Variants in AGPAT4 observed in about 807,000 individuals in gnomAD.
AGPAT4 encodes the protein 1-acyl-sn-glycerol-3-phosphate acyltransferase delta.
In AGPAT4, 15 loss-of-function variants were observed where a neutral mutation model predicts 48.0. The observed-to-expected ratio is 0.31, with a 90% CI of 0.21 to 0.48. AGPAT4 has a LOEUF of 0.48. Ranked by LOEUF, AGPAT4 falls within the 20% of genes least tolerant of loss-of-function variation. The probability of loss-of-function intolerance (pLI) is 0.99; values close to 1 mark genes in which losing one functional copy is unlikely to be tolerated. For missense variants in AGPAT4, 314 were observed against 482.5 expected, an observed-to-expected ratio of 0.65 and a Z score of 3.27; for synonymous variants, 178 against 198.7, an observed-to-expected ratio of 0.90 and a Z score of 0.88.
chr6:161,180,917 T>C lies in AGPAT4; in HGVS notation c.179-14500A>G, dbSNP rs1475296020. 1.3e-5 allele frequency among the ~76,000 whole-genome samples: 2 copies of C among 151,986 alleles called. No individual in the cohort carries two copies. The highest frequency in any genetic ancestry group is 4.8e-5 in the African/African-American group (2 of 41,364). The stretch of plus-strand genomic sequence containing the variant: ...CCATTGTGCTGTTCAGCTTAAGAGA[T>C]TACTAATAGGAAAAAGAAGTAGATA... On this transcript the variant is annotated intron_variant, in intron 2 of 8. Transcript: ENST00000320285. This position sits in a 1 kb window ranked among gnomAD's most constrained non-coding sequence, Gnocchi z 6.4.
rs527952441 is a variant in AGPAT4, at chr6:161,234,857, A to G, written c.-89-2555T>C. The stretch of plus-strand genomic sequence containing the variant: ...GTGTCCAGTTCAATATTAGGGCATT[A>G]GGAAGAAAAATTAAGAATTCTTTTT... On this transcript the variant is annotated intron_variant, in intron 1 of 8. Coordinates refer to ENST00000320285, the MANE Select transcript of AGPAT4 (RefSeq NM_020133.3). The surrounding 1 kb of genome is among the most constrained non-coding windows in gnomAD (Gnocchi z 4.4). Among the ~76,000 whole-genome samples, 8 of 152,256 alleles carry G rather than the reference A, an allele frequency of 5.3e-5. No individual in the cohort carries two copies. Among genetic ancestry groups the G allele is most frequent in the African/African-American group, 1.9e-4 (8 of 41,548 alleles).
chr6:161,194,706 C>T (rs1055097625), intron 2 of AGPAT4, among the ~76,000 whole-genome samples: 3 of 151,672 alleles, frequency 2.0e-5, no homozygotes, highest in African/African-American at 7.3e-5. Context: ...ATTGTGTGTG[C>T]GTATGTATGT....
In AGPAT4 at chr6:161,154,369, G is replaced by A; in HGVS notation, c.349-59C>T. On this transcript the variant is annotated intron_variant, in intron 3 of 8. Coordinates refer to ENST00000320285, the MANE Select transcript of AGPAT4 (RefSeq NM_020133.3). The surrounding 1 kb of genome is among the most constrained non-coding windows in gnomAD (Gnocchi z 7.8). The stretch of plus-strand genomic sequence containing the variant: ...AGGAGACGTCAGAGCCACCTGCCGG[G>A]GCTGTTGGAGACTGAAGTAGAAAAA... 1.9e-6 allele frequency: 3 copies of A among 1,600,484 alleles called. No individual in the cohort carries two copies. The highest frequency in any genetic ancestry group is 1.7e-5 in the Admixed American group (1 of 58,730).
In AGPAT4 at chr6:161,215,532, T is replaced by C. The variant is rs1279910726; in HGVS notation, c.178+16504A>G. On this transcript the variant is annotated intron_variant, in intron 2 of 8. Transcript: ENST00000320285. The surrounding 1 kb of genome is among the most constrained non-coding windows in gnomAD (Gnocchi z 4.5). ...AGTGTGGTTCTCAGGTCTGTCTCTC[T>C]GGCACACATTACAGGCAAAACCCAT... Among the ~76,000 whole-genome samples, 1 of 152,186 alleles carries C rather than the reference T, an allele frequency of 6.6e-6. No homozygotes were observed. Among genetic ancestry groups the C allele is most frequent in the African/African-American group, 2.4e-5 (1 of 41,448 alleles).
rs777467164 is a variant in AGPAT4, at chr6:161,144,253, G to T, written c.843+2271C>A. ...AGACACATACTGCTTAGAGAACTCG[G>T]TGTCGCCCCAGCCCTGCACGGAGAG... On this transcript the variant is annotated intron_variant, in intron 7 of 8. Transcript: ENST00000320285. The surrounding 1 kb of genome is among the most constrained non-coding windows in gnomAD (Gnocchi z 6.6). 1 of 509,586 alleles carries T rather than the reference G, an allele frequency of 2.0e-6. No homozygotes were observed. The highest frequency in any genetic ancestry group is 2.1e-5 in the Admixed American group (1 of 47,162). The allele number at this position is 509,586 out of a possible 1,614,324, so 31.6% of individuals were successfully genotyped here. A position where few individuals can be genotyped will look rare whatever the true frequency, so the allele number is the denominator to read the frequency against.
In AGPAT4 at chr6:161,149,361, T is replaced by C. The variant is rs1487243689; in HGVS notation, c.665-72A>G. The stretch of plus-strand genomic sequence containing the variant: ...CAATTTTGTTCTGTAGATACACACA[T>C]TGGAAGACAATAATCAAATGGCTAA... On this transcript the variant is annotated intron_variant, in intron 5 of 8. Transcript: ENST00000320285. The surrounding 1 kb of genome is among the most constrained non-coding windows in gnomAD (Gnocchi z 6.5). 6.7e-6 allele frequency: 9 copies of C among 1,342,792 alleles called. No individual in the cohort carries two copies. Among genetic ancestry groups the C allele is most frequent in the Non-Finnish European group, 8.0e-6 (8 of 999,106 alleles). The allele number at this position is 1,342,792 out of a possible 1,614,324, so 83.2% of individuals were successfully genotyped here.
rs897299587 is a variant in AGPAT4 at position 161,177,002 on chromosome 6, G to A, written c.179-10585C>T. ...TCTTCTGGCGTGTAGAGCTTCTGCC[G>A]AGAGATCTGCTGTTAGTCTGATGGG... is the stretch of plus-strand genomic sequence containing the variant. On this transcript the variant is annotated intron_variant, in intron 2 of 8. Coordinates refer to ENST00000320285, the MANE Select transcript of AGPAT4 (RefSeq NM_020133.3). This position sits in a 1 kb window ranked among gnomAD's most constrained non-coding sequence, Gnocchi z 5.0. Among the ~76,000 whole-genome samples, 13 of 152,090 alleles carry A rather than the reference G, an allele frequency of 8.5e-5. No homozygotes were observed. The highest frequency in any genetic ancestry group is 3.9e-4 in the East Asian group (2 of 5,170).
At chr6:161,190,079 G>A (rs112499637) in intron 2 of AGPAT4, among the ~76,000 whole-genome samples, 1 of 152,154 alleles carries the variant, frequency 6.6e-6, no homozygotes, top group African/African-American at 2.4e-5. Context: ...TCATTTAGAT[G>A]AGCTGTATCT....
chr6:161,157,550 T>G (rs944847549), intron 3 of AGPAT4, among the ~76,000 whole-genome samples: 21 of 152,182 alleles, frequency 1.4e-4, no homozygotes, highest in African/African-American at 5.1e-4. Context: ...TGACCTCAGG[T>G]GATCTGCCTG....
rs142389035 is a variant in AGPAT4, at chr6:161,177,628, C to A, written c.179-11211G>T. 6.6e-6 allele frequency among the ~76,000 whole-genome samples: 1 copy of A among 152,142 alleles called. No homozygotes were observed. The highest frequency in any genetic ancestry group is 2.4e-5 in the African/African-American group (1 of 41,428). On this transcript the variant is annotated intron_variant, in intron 2 of 8. Transcript: ENST00000320285. The surrounding 1 kb of genome is among the most constrained non-coding windows in gnomAD (Gnocchi z 5.0). The stretch of plus-strand genomic sequence containing the variant: ...CTCGGAGAAGTTTGTTATTACTGAT[C>A]GTCTGAAGCCTTCTTTTCTCAACAT...
In AGPAT4 at chr6:161,141,421, C is replaced by T. The variant is rs1010221409; in HGVS notation, c.844-1801G>A. Among the ~76,000 whole-genome samples, 6 of 152,070 alleles carry T rather than the reference C, an allele frequency of 3.9e-5. No homozygotes were observed. The highest frequency in any genetic ancestry group is 7.2e-5 in the African/African-American group (3 of 41,426). On this transcript the variant is annotated intron_variant, in intron 7 of 8. Coordinates refer to ENST00000320285, the MANE Select transcript of AGPAT4 (RefSeq NM_020133.3). This position sits in a 1 kb window ranked among gnomAD's most constrained non-coding sequence, Gnocchi z 6.7. ...GGAGACAAGGAGGTGAGCACCATGA[C>T]GGTCAGCAGCACAGGCAATGCCCAG...
chr6:161,163,742 G>A (rs1255531702), intron 3 of AGPAT4, among the ~76,000 whole-genome samples: 2 of 152,200 alleles, frequency 1.3e-5, no homozygotes, highest in Admixed American at 6.5e-5. Context: ...TTGGAGAAGA[G>A]AGGACTCAGG....
In AGPAT4 at chr6:161,154,395, G is replaced by C; in HGVS notation, c.349-85C>G. Reference sequence around the variant, plus strand: ...GCTGTTGGAGACTGAAGTAGAAAAAGAGGAGGGGACGTTCACACCAGACGC... The same window carrying C: ...GCTGTTGGAGACTGAAGTAGAAAAACAGGAGGGGACGTTCACACCAGACGC... On this transcript the variant is annotated intron_variant, in intron 3 of 8. Transcript: ENST00000320285. This position sits in a 1 kb window ranked among gnomAD's most constrained non-coding sequence, Gnocchi z 7.8. 6.5e-7 allele frequency: 1 copy of C among 1,532,358 alleles called. No homozygotes were observed. The highest frequency in any genetic ancestry group is 8.9e-7 in the Non-Finnish European group (1 of 1,122,460). 94.9% of individuals were successfully genotyped at this position (1,532,358 alleles called of 1,614,324 possible).
rs1276100853 is a variant in AGPAT4 at position 161,232,016 on chromosome 6, T to C, written c.178+20A>G. On this transcript the variant is annotated intron_variant, in intron 2 of 8. Transcript: ENST00000320285. This position sits in a 1 kb window ranked among gnomAD's most constrained non-coding sequence, Gnocchi z 6.8. ...CACATCCACAATGGAGACGAAAATA[T>C]AGAATCTTAAGTATCTTACGGCTTG... 2 of 1,610,656 alleles carry C rather than the reference T, an allele frequency of 1.2e-6. No individual in the cohort carries two copies. Among genetic ancestry groups the C allele is most frequent in the African/African-American group, 2.7e-5 (2 of 74,852 alleles).
rs1562349685 is a variant in AGPAT4, at chr6:161,232,835, G to A, written c.-89-533C>T. Among the ~76,000 whole-genome samples, 2 of 152,262 alleles carry A rather than the reference G, an allele frequency of 1.3e-5. No individual in the cohort carries two copies. Among genetic ancestry groups the A allele is most frequent in the East Asian group, 1.9e-4 (1 of 5,166 alleles). On this transcript the variant is annotated intron_variant, in intron 1 of 8. Transcript: ENST00000320285. This position sits in a 1 kb window ranked among gnomAD's most constrained non-coding sequence, Gnocchi z 6.8. ...AGTCAAGCCTGCCCTGGACAAGGAC[G>A]AGGACATACCCAGAGTGGGTGCCAC...
At chr6:161,228,620 A>G (rs1452656956) in intron 2 of AGPAT4, among the ~76,000 whole-genome samples, 2 of 121,200 alleles carry the variant, frequency 1.7e-5, no homozygotes. Flanking sequence ...AGATTCTCCT[A>G]ATCTTTCTGT....
In AGPAT4 at chr6:161,159,283, C is replaced by G. The variant is rs566597784; in HGVS notation, c.349-4973G>C. 6.6e-6 allele frequency among the ~76,000 whole-genome samples: 1 copy of G among 152,196 alleles called. No individual in the cohort carries two copies. The highest frequency in any genetic ancestry group is 2.4e-5 in the African/African-American group (1 of 41,450). ...GATTGGAATCTTCAACCCAAGGCTG[C>G]TCTGTCTGTGCAAAGGTATTGATTA... On this transcript the variant is annotated intron_variant, in intron 3 of 8. Coordinates refer to ENST00000320285, the MANE Select transcript of AGPAT4 (RefSeq NM_020133.3). This position sits in a 1 kb window ranked among gnomAD's most constrained non-coding sequence, Gnocchi z 4.1.
intron 2 of AGPAT4, among the ~76,000 whole-genome samples, chr6:161,187,828 G>C (rs1780815194): frequency 6.6e-6 from 1 of 152,156 alleles, no homozygotes. Context: ...ACAGGCGTGA[G>C]CCACCGTGCC....
rs1428350070 is a variant in AGPAT4 at position 161,139,217 on chromosome 6, G to A, written c.1042+205C>T. On this transcript the variant is annotated intron_variant, in intron 8 of 8. Coordinates refer to ENST00000320285, the MANE Select transcript of AGPAT4 (RefSeq NM_020133.3). This position sits in a 1 kb window ranked among gnomAD's most constrained non-coding sequence, Gnocchi z 9.1. Reference sequence around the variant, plus strand: ...CCAGCCCCAGGTGGGAGGCTGGACCGTCCAGGCTGCGGAGGGGGTCCCAGG... The same window carrying A: ...CCAGCCCCAGGTGGGAGGCTGGACCATCCAGGCTGCGGAGGGGGTCCCAGG... Among the ~76,000 whole-genome samples, 4 of 152,198 alleles carry A rather than the reference G, an allele frequency of 2.6e-5. No homozygotes were observed. The highest frequency in any genetic ancestry group is 2.6e-4 in the Admixed American group (4 of 15,286).
Sources: allele counts gnomAD v4.1 joint callset (sites outside exome capture counted in the v4.1 genomes callset), GRCh38; gene constraint gnomAD v4.1.1; non-coding constraint Gnocchi (gnomAD v3.1); transcripts MANE v1.5; gene names NCBI Gene and HGNC (gene_info 2026-07-23, HGNC 2026-07-21).